The following IL1RAPL2 variants were observed in gnomAD, a reference collection of about 807,000 sequenced individuals.
The protein encoded by IL1RAPL2 is interleukin 1 receptor accessory protein like 2.
A neutral mutation model predicts 44.1 loss-of-function variants in IL1RAPL2; 3 were observed. The ratio of observed to expected loss-of-function variants is 0.07; its 90% CI spans 0.03 to 0.18. The LOEUF (loss-of-function observed/expected upper bound fraction) is 0.18. IL1RAPL2 is among the 10% of genes least tolerant of loss of function. IL1RAPL2 has a pLI of 1.00. For missense variants in IL1RAPL2, 391 were observed against 496.4 expected (o/e 0.79, Z 2.02); for synonymous variants, 181 against 178.8 (o/e 1.01, Z -0.10).
At chrX:105,382,618 G>A (rs2035442265) in intron 5 of IL1RAPL2, among the ~76,000 whole-genome samples, 1 of 104,738 alleles carries the variant, frequency 9.5e-6, no homozygotes, top group African/African-American at 3.7e-5. Flanking sequence ...TCCCATTACT[G>A]GGTATATACC....
At chrX:104,636,457 C>T (rs1167132796) in intron 1 of IL1RAPL2, among the ~76,000 whole-genome samples, 1 of 112,415 alleles carries the variant, frequency 8.9e-6, no homozygotes, top group Non-Finnish European at 1.9e-5. Flanking sequence ...TCTACAGATG[C>T]AGGCAGGTCT....
chrX:104,866,313 G>A (rs1218757445), intron 2 of IL1RAPL2, among the ~76,000 whole-genome samples: 3 of 111,359 alleles, frequency 2.7e-5, no homozygotes, highest in African/African-American at 9.8e-5. Context: ...ATTGGAGTAC[G>A]TTGCTCATAT....
intron 2 of IL1RAPL2, among the ~76,000 whole-genome samples, chrX:105,098,057 T>C (rs1280684320): frequency 8.9e-6 from 1 of 111,885 alleles, no homozygotes; most frequent in Non-Finnish European, 1.9e-5. Flanking sequence ...GAATGGAACA[T>C]AAACCTCATT....
intron 2 of IL1RAPL2, among the ~76,000 whole-genome samples, chrX:104,846,030 T>G (rs1239598209): frequency 3.6e-5 from 4 of 111,569 alleles, no homozygotes; most frequent in Non-Finnish European, 5.6e-5. Context: ...AAGTTCAAAT[T>G]TGTCTGTTTA....
chrX:105,037,984 G>A (rs986247739), intron 2 of IL1RAPL2, among the ~76,000 whole-genome samples: 1 of 111,906 alleles, frequency 8.9e-6, no homozygotes, highest in Admixed American at 9.5e-5. Flanking sequence ...CATGATGGCT[G>A]TTAAGAGCAT....
At chrX:104,702,221 T>G (rs896765461) in intron 2 of IL1RAPL2, among the ~76,000 whole-genome samples, 3 of 111,796 alleles carry the variant, frequency 2.7e-5, no homozygotes, top group African/African-American at 9.7e-5. Context: ...ACTTCATGTA[T>G]GTTTGTTTTG....
intron 1 of IL1RAPL2, among the ~76,000 whole-genome samples, chrX:104,649,716 C>T (rs761368734): frequency 9.0e-6 from 1 of 111,207 alleles, no homozygotes; most frequent in Non-Finnish European, 1.9e-5. Flanking sequence ...CTATTTGAAA[C>T]TAGCTGATAT....
chrX:105,080,603 C>A (rs938810860), intron 2 of IL1RAPL2, among the ~76,000 whole-genome samples: 1 of 111,841 alleles, frequency 8.9e-6, no homozygotes, highest in Non-Finnish European at 1.9e-5. Flanking sequence ...CAGTACCATG[C>A]TGTTTTGGTT....
chrX:105,675,710 A>C (rs960286771), intron 6 of IL1RAPL2, among the ~76,000 whole-genome samples: 5 of 111,305 alleles, frequency 4.5e-5, no homozygotes, highest in African/African-American at 6.5e-5. Context: ...CTTTTCAAGT[A>C]TTTGGAGTAG....
chrX:105,763,837 A>G (rs1447740335), intron 10 of IL1RAPL2, among the ~76,000 whole-genome samples: 1 of 110,544 alleles, frequency 9.0e-6, no homozygotes, highest in Non-Finnish European at 1.9e-5. Context: ...TGGGCTTCAC[A>G]TCTGAAAACT....
chrX:104,871,155 T>G (rs962777), intron 2 of IL1RAPL2, among the ~76,000 whole-genome samples: 1 of 110,674 alleles, frequency 9.0e-6, no homozygotes, highest in Non-Finnish European at 1.9e-5. Context: ...AAAGATCCCC[T>G]GAAAAAGTAT....
intron 2 of IL1RAPL2, among the ~76,000 whole-genome samples, chrX:105,018,760 A>G (rs923894169): frequency 1.3e-4 from 14 of 111,763 alleles, no homozygotes; most frequent in African/African-American, 4.5e-4. Context: ...AATATATGGA[A>G]AAATACGAAA....
intron 5 of IL1RAPL2, among the ~76,000 whole-genome samples, chrX:105,378,878 T>C (rs1420734597): frequency 8.9e-6 from 1 of 112,052 alleles, no homozygotes; most frequent in Non-Finnish European, 1.9e-5. Context: ...ATAGCTACTA[T>C]GTGCGGAGCA....
chrX:104,892,334 C>A (rs1602788432), intron 2 of IL1RAPL2, among the ~76,000 whole-genome samples: 1 of 111,854 alleles, frequency 8.9e-6, no homozygotes, highest in Non-Finnish European at 1.9e-5. Context: ...AAGATTCCCT[C>A]TTTTTCTATT....
intron 2 of IL1RAPL2, among the ~76,000 whole-genome samples, chrX:104,792,262 G>T (rs1036159028): frequency 1.8e-5 from 2 of 110,656 alleles, no homozygotes; most frequent in African/African-American, 6.6e-5. Context: ...AAAAATGATT[G>T]GGGCACAACG....
At chrX:105,000,261 C>A (rs755805327) in intron 2 of IL1RAPL2, among the ~76,000 whole-genome samples, 1 of 112,169 alleles carries the variant, frequency 8.9e-6, no homozygotes, top group Non-Finnish European at 1.9e-5. Flanking sequence ...TCTGTTACTA[C>A]TATGGAATTG....
chrX:105,676,186 G>A (rs1022959225), intron 6 of IL1RAPL2: 3 of 111,553 alleles, frequency 2.7e-5, no homozygotes, highest in African/African-American at 9.8e-5. Flanking sequence ...ACAGCATAAG[G>A]CTTCTAAAAC....
At chrX:104,633,795 C>A (rs1179032468) in intron 1 of IL1RAPL2, among the ~76,000 whole-genome samples, 1 of 110,978 alleles carries the variant, frequency 9.0e-6, no homozygotes, top group Non-Finnish European at 1.9e-5. Context: ...AAAACCAGCC[C>A]CTGGATTCAT....
chrX:105,598,475 A>G (rs185349625), intron 6 of IL1RAPL2, among the ~76,000 whole-genome samples: 1 of 111,266 alleles, frequency 9.0e-6, no homozygotes, highest in African/African-American at 3.3e-5. Context: ...AAAGGAAACT[A>G]TGTGAGGTGA....
Sources: gnomAD v4.1 joint callset for allele counts (sites outside exome capture counted in the v4.1 genomes callset) on GRCh38, gnomAD v4.1.1 for gene constraint, MANE v1.5 for transcripts, NCBI Gene and HGNC (gene_info 2026-07-23, HGNC 2026-07-21) for gene names.